The following ZAN variants were observed in gnomAD, a reference collection of about 807,000 sequenced individuals.
ZAN encodes zonadhesin, also known as zonadhesin (gene/pseudogene).
In ZAN, 260 loss-of-function variants were observed where a neutral mutation model predicts 286.2. The ratio of observed to expected loss-of-function variants is 0.91; its 90% CI spans 0.82 to 1.01. ZAN has a LOEUF of 1.01. ZAN is among the 50% of genes least tolerant of loss of function. The pLI, the probability that ZAN is intolerant of heterozygous loss-of-function variation, is 0.00. For synonymous variants in ZAN, 1,368 were observed against 1,417.5 expected (o/e 0.97, Z 0.79); for missense variants, 3,410 against 3,639.2 (o/e 0.94, Z 1.62).
rs191620492 is a variant in ZAN, at chr7:100,768,270, G to A, written c.5041+259G>A. Among the ~76,000 whole-genome samples the A allele has an allele frequency of 6.0e-4, 91 of 152,264 alleles. 2 individuals are homozygous for A. The East Asian group carries it at 0.014, about 23-fold the overall frequency. ...GTGGATCACTTGAGGTCAAGGGTTC[G>A]AGACCAGCCTGGCCAACATGGCAAA... On this transcript the variant is annotated intron_variant, in intron 26 of 47. Transcript: ENST00000613979.
intron 20 of ZAN, 117 bp downstream of exon 20, chr7:100,762,475 G>A (rs1480418898): frequency 4.5e-6 from 6 of 1,319,330 alleles, no homozygotes; most frequent in Non-Finnish European, 5.0e-6. Flanking sequence ...GCTTAGGCTG[G>A]AGTGCAGTGG....
At chr7:100,749,651 A>AAATATAT (rs1360254873) in intron 11 of ZAN, among the ~76,000 whole-genome samples, 2 of 109,440 alleles carry the variant, frequency 1.8e-5, no homozygotes, top group African/African-American at 3.6e-5. Flanking sequence ...AAAAAAAAAA[A>AAATATAT]ATATATATAT....
chr7:100,744,243 G>C (rs1369745929), intron 7 of ZAN, among the ~76,000 whole-genome samples: 1 of 150,562 alleles, frequency 6.6e-6, no homozygotes, highest in African/African-American at 2.5e-5. Flanking sequence ...CACTCCATCA[G>C]TGTCCACTTG....
At chr7:100,735,567 A>G (rs1807240221) in intron 2 of ZAN, among the ~76,000 whole-genome samples, 153 bp from the exon 3 acceptor site, 1 of 128,612 alleles carries the variant, frequency 7.8e-6, no homozygotes, top group South Asian at 2.4e-4. Flanking sequence ...AAAAAAAGAA[A>G]AGAAAAAAAG....
At position 100,797,755 on chromosome 7, in the gene ZAN, T is replaced by C; in HGVS notation, c.*23T>C. 1 of 1,613,490 alleles carries C rather than the reference T, an allele frequency of 6.2e-7. No individual in the cohort carries two copies. Among genetic ancestry groups the C allele is most frequent in the Non-Finnish European group, 8.5e-7 (1 of 1,179,670 alleles). On this transcript the variant is annotated 3_prime_UTR_variant, in exon 48 of 48. Coordinates refer to ENST00000613979, the MANE Select transcript of ZAN (RefSeq NM_003386.3). Reference sequence around the variant, plus strand: ...TAAGTTGCTCAGTTTTGAGCTGTCTTCAGACAAGAAGATTAAATAAATTTA... The same window carrying C: ...TAAGTTGCTCAGTTTTGAGCTGTCTCCAGACAAGAAGATTAAATAAATTTA...
chr7:100,789,361 G>A lies in ZAN; in HGVS notation c.7357+14G>A, dbSNP rs768600857. The A allele has an allele frequency of 1.9e-6, 3 of 1,609,016 alleles. No homozygotes were observed. In the African/African-American group the frequency reaches 4.0e-5, roughly 22 times the overall value. On this transcript the variant is annotated intron_variant, in intron 39 of 47. Transcript: ENST00000613979. Reference sequence around the variant, plus strand: ...GGAAAAATGCAGGTAATGGAGAGAGGGGAAAGAAGAGCAAAAGGGCCATTT... The same window carrying A: ...GGAAAAATGCAGGTAATGGAGAGAGAGGAAAGAAGAGCAAAAGGGCCATTT...
chr7:100,784,674 C>T lies in ZAN; in HGVS notation c.6674C>T (p.Ser2225Leu). The part of the protein sequence containing the change: ...SSYTNCLPSC[S>L]PSCWDLDGRC... ...TACACCAACTGCCTTCCCTCCTGCT[C>T]ACCCTCCTGCTGGGACCTGGATGGC... Residue 2225 changes from serine to leucine, a missense_variant, in exon 36 of 48, where the codon TCA becomes TTA. This residue lies in a region of ZAN where 1,289 missense variants were observed against 1,314.3 expected (regional missense o/e 0.98). Transcript: ENST00000613979. 6.2e-7 allele frequency: 1 copy of T among 1,613,968 alleles called. No individual in the cohort carries two copies. Among genetic ancestry groups the T allele is most frequent in the Non-Finnish European group, 8.5e-7 (1 of 1,179,880 alleles).
Position 100,787,910 on chromosome 7 carries a change from A to G in ZAN, c.7001A>G (p.Tyr2334Cys). Residue 2334 changes from tyrosine to cysteine, a missense_variant, in exon 38 of 48, where the codon TAT becomes TGT. By Grantham distance (194) the Tyr-to-Cys change is radical (BLOSUM62 -2). Coordinates refer to ENST00000613979, the MANE Select transcript of ZAN (RefSeq NM_003386.3). The part of the protein sequence containing the change: ...VSDKSEQCSV[Y>C]GDPRYLTFDG... ...GCAGAGTCTGAACAATGCTCAGTCT[A>G]TGGCGACCCCCGTTACCTCACATTT... is the stretch of plus-strand genomic sequence containing the variant. 1.3e-6 allele frequency: 2 copies of G among 1,543,556 alleles called. No homozygotes were observed. Among genetic ancestry groups the G allele is most frequent in the Non-Finnish European group, 8.8e-7 (1 of 1,132,228 alleles).
At chr7:100,748,589 G>A in intron 11 of ZAN, 119 bp downstream of exon 11, 1 of 1,369,262 alleles carries the variant, frequency 7.3e-7, no homozygotes, top group African/African-American at 1.5e-5. Context: ...CAGTCCACAG[G>A]TGTTTTTTCG....
intron 9 of ZAN, 116 bp from the exon 10 acceptor site, chr7:100,748,021 G>T: frequency 2.4e-5 from 18 of 754,496 alleles, no homozygotes; most frequent in Non-Finnish European, 3.3e-5. Context: ...GAACTGAATT[G>T]AGGGTCTGGG....
At chr7:100,751,106 A>T in intron 12 of ZAN, 76 bp from the exon 13 acceptor site, 1 of 1,370,480 alleles carries the variant, frequency 7.3e-7, no homozygotes, top group South Asian at 1.4e-5. Flanking sequence ...AACAGATTCT[A>T]TGCCCAGTGG....
chr7:100,787,931 C>A lies in ZAN; in HGVS notation c.7022C>A (p.Thr2341Lys). Reference sequence around the variant, plus strand: ...GTCTATGGCGACCCCCGTTACCTCACATTTGACGGCTTCAGCTACCGCTTG... The same window carrying A: ...GTCTATGGCGACCCCCGTTACCTCAAATTTGACGGCTTCAGCTACCGCTTG... ...CSVYGDPRYL[T>K]FDGFSYRLQG... Residue 2341 changes from threonine to lysine, a missense_variant, in exon 38 of 48, where the codon ACA becomes AAA. Physicochemically the swap from Thr to Lys is moderately conservative, Grantham distance 78 (BLOSUM62 -1). This residue lies in a region of ZAN where 1,289 missense variants were observed against 1,314.3 expected (regional missense o/e 0.98). Transcript: ENST00000613979. 1 of 1,414,474 alleles carries A rather than the reference C, an allele frequency of 7.1e-7. No individual in the cohort carries two copies. Among genetic ancestry groups the A allele is most frequent in the South Asian group, 1.3e-5 (1 of 79,718 alleles). 87.6% of individuals were successfully genotyped at this position (1,414,474 alleles called of 1,614,324 possible).
At chr7:100,774,666 AT>A (rs1002040985) in intron 31 of ZAN, among the ~76,000 whole-genome samples, 4 of 151,842 alleles carry the variant, frequency 2.6e-5, no homozygotes, top group South Asian at 4.2e-4. Flanking sequence ...TCTAAAAAAA[AT>A]TTTTTTTAAT....
At chr7:100,783,161 A>C (rs1811301240) in intron 35 of ZAN, among the ~76,000 whole-genome samples, 1 of 152,068 alleles carries the variant, frequency 6.6e-6, no homozygotes, top group Non-Finnish European at 1.5e-5. Flanking sequence ...CCAGCTACTC[A>C]GGAGGCTGAG....
rs981334416 is a variant in ZAN, at chr7:100,785,848, A to G, written c.6835-149A>G. 7.9e-6 allele frequency: 8 copies of G among 1,012,010 alleles called. No homozygotes were observed. The African/African-American group carries it at 1.3e-4, about 17-fold the overall frequency. 62.7% of individuals were successfully genotyped at this position (1,012,010 alleles called of 1,614,324 possible). A position where few individuals can be genotyped will look rare whatever the true frequency, so the allele number is the denominator to read the frequency against. On this transcript the variant is annotated intron_variant, in intron 36 of 47. Transcript: ENST00000613979. The stretch of plus-strand genomic sequence containing the variant: ...TAATTTTTGTATTTTTAGTAGAGAC[A>G]GGGTTTCACCATGTTGGCTGGGCTC...
In ZAN at chr7:100,788,191, C is replaced by T. The variant is rs376828601; in HGVS notation, c.7227+55C>T. The T allele has an allele frequency of 2.9e-5, 42 of 1,425,278 alleles. No individual in the cohort carries two copies. In the African/African-American group the frequency reaches 3.6e-4, roughly 12 times the overall value. The allele number at this position is 1,425,278 out of a possible 1,614,324, so 88.3% of individuals were successfully genotyped here. ...TGGGGAGGCAGCTGGACCAGGTAGG[C>T]CACCTGGAGTAGAAGTCAGGGATCC... On this transcript the variant is annotated intron_variant, in intron 38 of 47. Coordinates refer to ENST00000613979, the MANE Select transcript of ZAN (RefSeq NM_003386.3).
intron 11 of ZAN, among the ~76,000 whole-genome samples, chr7:100,750,099 C>CACAT (rs996745393): frequency 4.1e-5 from 6 of 147,858 alleles, no homozygotes; most frequent in African/African-American, 1.5e-4. Flanking sequence ...CACACACACA[C>CACAT]GACATTAATG....
intron 31 of ZAN, among the ~76,000 whole-genome samples, chr7:100,774,833 A>G (rs1584608253): frequency 1.6e-5 from 1 of 61,954 alleles, no homozygotes; most frequent in East Asian, 5.0e-3. Flanking sequence ...GTCTCAAATA[A>G]AAAAAAAAAA....
intron 11 of ZAN, among the ~76,000 whole-genome samples, chr7:100,748,750 G>A (rs1316444993): frequency 6.6e-6 from 1 of 152,130 alleles, no homozygotes; most frequent in Admixed American, 6.5e-5. Flanking sequence ...CAGTCTAGAC[G>A]TTTATGAGTG....
Sources: gnomAD v4.1 joint callset for allele counts (sites outside exome capture counted in the v4.1 genomes callset) on GRCh38, gnomAD v4.1.1 for gene constraint, gnomAD v4.1.1 regional missense constraint, MANE v1.5 for transcripts, NCBI Gene and HGNC (gene_info 2026-07-23, HGNC 2026-07-21) for gene names.